ZNF782: variants seen among roughly 807,000 people sequenced by gnomAD.
ZNF782 encodes the protein zinc finger protein 782.
In ZNF782, 12 loss-of-function variants were observed where a neutral mutation model predicts 13.0. That is an observed-to-expected ratio of 0.92 (90% CI 0.59 to 1.50). ZNF782 has a LOEUF of 1.50. Among genes scored for constraint, ZNF782 ranks in the 40% most tolerant of loss-of-function variants. The pLI is 0.00. For synonymous variants in ZNF782, 284 were observed against 283.0 expected, an observed-to-expected ratio of 1.00 and a Z score of -0.04; for missense variants, 770 against 822.9, an observed-to-expected ratio of 0.94 and a Z score of 0.79.
the ZNF782 span, among the ~76,000 whole-genome samples, chr9:96,930,396 A>C: frequency 5.9e-5 from 9 of 152,130 alleles, no homozygotes; most frequent in South Asian, 4.2e-4. Context: ...TGGTGGCGGG[A>C]GCCTGTAATC....
intron 5 of ZNF782, among the ~76,000 whole-genome samples, chr9:96,823,183 C>T (rs1176742207): frequency 2.0e-5 from 3 of 152,178 alleles, no homozygotes; most frequent in East Asian, 3.8e-4. Context: ...AATTCTACCT[C>T]GTAGCATGAG....
chr9:96,926,807 G>A, the ZNF782 span, among the ~76,000 whole-genome samples: 4 of 152,138 alleles, frequency 2.6e-5, no homozygotes, highest in South Asian at 4.1e-4. Context: ...AAATGTCTTC[G>A]AAAGGGGCAA....
the ZNF782 span, chr9:96,931,777 G>C: frequency 6.2e-7 from 1 of 1,611,642 alleles, no homozygotes. Flanking sequence ...CCCTGTCTGT[G>C]TTCACGGCTC....
At chr9:96,931,768 CCTGT>C in the ZNF782 span, 6 of 1,611,680 alleles carry the variant, frequency 3.7e-6, no homozygotes, top group Middle Eastern at 2.2e-4. Context: ...CTGGCACCTC[CCTGT>C]CTGTGTTCAC....
At chr9:96,879,945 A>T (rs1240222263), upstream of ZNF782, among the ~76,000 whole-genome samples, 1 of 151,526 alleles carries the variant, frequency 6.6e-6, no homozygotes, top group East Asian at 1.9e-4. Context: ...GGATAGACTT[A>T]TTTTTTCCTT....
the ZNF782 span, among the ~76,000 whole-genome samples, chr9:96,902,039 A>G: frequency 1.3e-5 from 2 of 152,122 alleles, no homozygotes; most frequent in Non-Finnish European, 2.9e-5. Context: ...GTGCAAAGTT[A>G]TAACATAGGC....
At chr9:96,920,220 T>C in the ZNF782 span, among the ~76,000 whole-genome samples, 1 of 149,878 alleles carries the variant, frequency 6.7e-6, no homozygotes. Context: ...CCAATGTCCC[T>C]TTCTCTAAAT....
At chr9:96,855,553 C>T (rs188693572), upstream of ZNF782, among the ~76,000 whole-genome samples, 11 of 152,296 alleles carry the variant, frequency 7.2e-5, no homozygotes, top group African/African-American at 2.6e-4. Flanking sequence ...ATAATAGTCT[C>T]CAATCTCATT....
the ZNF782 span, among the ~76,000 whole-genome samples, chr9:96,924,192 G>GT: frequency 7.7e-6 from 1 of 129,678 alleles, no homozygotes; most frequent in Non-Finnish European, 1.6e-5. Flanking sequence ...ACCCACACAG[G>GT]TGAATACATA....
the ZNF782 span, among the ~76,000 whole-genome samples, chr9:96,917,453 A>T: frequency 3.3e-5 from 5 of 151,200 alleles, 1 homozygote; most frequent in African/African-American, 1.2e-4. Flanking sequence ...TTTTTTTGAG[A>T]CAGAGTCTAG....
intron 5 of ZNF782, among the ~76,000 whole-genome samples, chr9:96,825,085 C>T (rs1253101102): frequency 6.6e-6 from 1 of 151,768 alleles, no homozygotes; most frequent in Admixed American, 6.6e-5. Context: ...CAAAAAAGAG[C>T]CCGCATCGCC....
chr9:96,831,514 C>G (rs546275003), intron 4 of ZNF782, among the ~76,000 whole-genome samples: 2 of 152,056 alleles, frequency 1.3e-5, no homozygotes, highest in African/African-American at 4.8e-5. Context: ...TTGAGACCAT[C>G]CTGGCTAACA....
At chr9:96,901,514 C>T in the ZNF782 span, among the ~76,000 whole-genome samples, 1 of 151,788 alleles carries the variant, frequency 6.6e-6, no homozygotes, top group Non-Finnish European at 1.5e-5. Context: ...TAAGGAGATC[C>T]TCCCACCTCG....
At chr9:96,913,973 CAAA>C in the ZNF782 span, among the ~76,000 whole-genome samples, 3 of 97,466 alleles carry the variant, frequency 3.1e-5, no homozygotes, top group African/African-American at 3.8e-5. Flanking sequence ...GACCTTGTCT[CAAA>C]AAAAAAAAAA....
At chr9:96,846,488 G>C (rs2118750093) in intron 3 of ZNF782, among the ~76,000 whole-genome samples, 1 of 152,040 alleles carries the variant, frequency 6.6e-6, no homozygotes, top group East Asian at 1.9e-4. Context: ...TCAAGGTAAA[G>C]GGAAGGAAAA....
chr9:96,858,657 C>T (rs1450970898), upstream of ZNF782, among the ~76,000 whole-genome samples: 2 of 152,144 alleles, frequency 1.3e-5, no homozygotes, highest in Admixed American at 6.5e-5. This position sits in a 1 kb window ranked among gnomAD's most constrained non-coding sequence, Gnocchi z 4.4. Context: ...GAAGGAACAC[C>T]TCATATGAAG....
At chr9:96,884,783 A>C in the ZNF782 span, among the ~76,000 whole-genome samples, 1 of 152,200 alleles carries the variant, frequency 6.6e-6, no homozygotes, top group Non-Finnish European at 1.5e-5. Context: ...AAGCTGAACA[A>C]ACACACCCAC....
chr9:96,912,346 G>A, the ZNF782 span, among the ~76,000 whole-genome samples: 12 of 147,318 alleles, frequency 8.1e-5, no homozygotes, highest in East Asian at 2.0e-4. Flanking sequence ...CCAACATGGC[G>A]AAACCCCGTC....
intron 4 of ZNF782, among the ~76,000 whole-genome samples, chr9:96,843,685 G>C (rs925763496): frequency 2.0e-5 from 3 of 152,160 alleles, no homozygotes; most frequent in African/African-American, 7.2e-5. Flanking sequence ...TACTGGTGTT[G>C]ATAGTGTATT....
Sources: allele counts gnomAD v4.1 joint callset (sites outside exome capture counted in the v4.1 genomes callset), GRCh38; gene constraint gnomAD v4.1.1; non-coding constraint Gnocchi (gnomAD v3.1); transcripts MANE v1.5; gene names NCBI Gene and HGNC (gene_info 2026-07-23, HGNC 2026-07-21).